The following GNG7 variants were observed in gnomAD, a reference collection of about 807,000 sequenced individuals.
The protein encoded by GNG7 is guanine nucleotide-binding protein G(I)/G(S)/G(O) subunit gamma-7.
A neutral mutation model predicts 4.0 loss-of-function variants in GNG7; 1 was observed. That is an observed-to-expected ratio of 0.25 (90% confidence interval 0.09 to 1.18). The LOEUF (loss-of-function observed/expected upper bound fraction) is 1.18. Ranked by LOEUF, GNG7 falls within the 50% of genes most tolerant of loss-of-function variation. GNG7 has a pLI of 0.50. For synonymous variants in GNG7, 34 were observed against 36.9 expected, an observed-to-expected ratio of 0.92 and a Z score of 0.29; for missense variants, 86 against 91.9, an observed-to-expected ratio of 0.94 and a Z score of 0.26.
intron 2 of GNG7, among the ~76,000 whole-genome samples, chr19:2,603,036 CCTTT>C (rs1331894435): frequency 5.6e-4 from 82 of 146,826 alleles, no homozygotes; most frequent in Middle Eastern, 3.5e-3. Flanking sequence ...TCCTTCCTTC[CCTTT>C]CTTTCTTTCT....
intron 2 of GNG7, among the ~76,000 whole-genome samples, chr19:2,563,854 GTTATTT>G (rs1979820449): frequency 6.6e-6 from 1 of 152,134 alleles, no homozygotes; most frequent in Non-Finnish European, 1.5e-5. Flanking sequence ...GAACTGTTGA[GTTATTT>G]AAACCTTCGC....
intron 3 of GNG7, among the ~76,000 whole-genome samples, chr19:2,551,894 A>G (rs1176099231): frequency 1.3e-5 from 2 of 152,026 alleles, no homozygotes; most frequent in Non-Finnish European, 2.9e-5. Context: ...CATGTTGGCC[A>G]GTCTGGTCTC....
chr19:2,523,012 A>G (rs1978318297), intron 3 of GNG7, among the ~76,000 whole-genome samples: 1 of 151,394 alleles, frequency 6.6e-6, no homozygotes. Context: ...TTACAGGTGC[A>G]TGTGCCACCA....
At chr19:2,665,361 T>C (rs1057381728) in intron 1 of GNG7, among the ~76,000 whole-genome samples, 7 of 132,784 alleles carry the variant, frequency 5.3e-5, no homozygotes, top group African/African-American at 2.1e-4. Flanking sequence ...CAGTGTCCCC[T>C]GGGGGGGGGG....
intron 2 of GNG7, among the ~76,000 whole-genome samples, chr19:2,593,639 G>T (rs1980917268): frequency 6.6e-6 from 1 of 151,882 alleles, no homozygotes; most frequent in African/African-American, 2.4e-5. Context: ...AGCTACTAGG[G>T]GTGCTGAGGC....
chr19:2,697,855 G>A (rs1047153969), intron 1 of GNG7, among the ~76,000 whole-genome samples: 1 of 152,002 alleles, frequency 6.6e-6, no homozygotes, highest in Non-Finnish European at 1.5e-5. Flanking sequence ...GCCTGTAATG[G>A]AAGCTACTCG....
At chr19:2,515,922 A>T (rs1972729190) in intron 4 of GNG7, among the ~76,000 whole-genome samples, 1 of 150,892 alleles carries the variant, frequency 6.6e-6, no homozygotes, top group African/African-American at 2.5e-5. Flanking sequence ...GGTAAACTTT[A>T]TATGTGTCTT....
chr19:2,566,782 G>A (rs1304016252), intron 2 of GNG7, among the ~76,000 whole-genome samples: 1 of 152,100 alleles, frequency 6.6e-6, no homozygotes, highest in African/African-American at 2.4e-5. Flanking sequence ...AGTGGGCATG[G>A]TGGGTGCCAA....
At chr19:2,565,776 G>C (rs929750064) in intron 2 of GNG7, among the ~76,000 whole-genome samples, 3 of 152,170 alleles carry the variant, frequency 2.0e-5, no homozygotes, top group Non-Finnish European at 4.4e-5. Context: ...GTGTGAGCCC[G>C]GCCGAGTCCT....
At chr19:2,535,344 C>T (rs1048069775) in intron 3 of GNG7, among the ~76,000 whole-genome samples, 1 of 136,716 alleles carries the variant, frequency 7.3e-6, no homozygotes, top group Non-Finnish European at 1.6e-5. Flanking sequence ...AAAAAAAATA[C>T]AAAAAACTAG....
At chr19:2,525,971 A>ATTTCTTTT (rs1978380492) in intron 3 of GNG7, among the ~76,000 whole-genome samples, 1 of 75,684 alleles carries the variant, frequency 1.3e-5, no homozygotes, top group African/African-American at 6.0e-5. Flanking sequence ...CTCCACGCCA[A>ATTTCTTTT]TTTTTTTTTT....
chr19:2,564,604 G>T (rs548438144), intron 2 of GNG7, among the ~76,000 whole-genome samples: 2 of 152,194 alleles, frequency 1.3e-5, no homozygotes, highest in South Asian at 4.2e-4. Flanking sequence ...AAGAAGGAGA[G>T]ATTTAGAGAT....
At chr19:2,637,552 C>T (rs934449791) in intron 2 of GNG7, among the ~76,000 whole-genome samples, 4 of 152,186 alleles carry the variant, frequency 2.6e-5, no homozygotes, top group Non-Finnish European at 5.9e-5. Context: ...GAATGACTAG[C>T]AACATTATTA....
At position 2,511,528 on chromosome 19, in the gene GNG7, A is replaced by T. The variant is rs1221438537; in HGVS notation, c.*3494T>A. 2 of 152,534 alleles carry T rather than the reference A, an allele frequency of 1.3e-5. No homozygotes were observed. Among genetic ancestry groups the T allele is most frequent in the African/African-American group, 4.8e-5 (2 of 41,578 alleles). 9.4% of individuals were successfully genotyped at this position (152,534 alleles called of 1,614,324 possible). The stretch of plus-strand genomic sequence containing the variant: ...CTGGCCTCAGGCCGTGGACTTTTTA[A>T]TAAGTGACCCCTTGAGGAAGGGCGT... On this transcript the variant is annotated 3_prime_UTR_variant, in exon 5 of 5. Coordinates refer to ENST00000382159, the MANE Select transcript of GNG7 (RefSeq NM_052847.3). The surrounding 1 kb of genome is among the most constrained non-coding windows in gnomAD (Gnocchi z 6.3).
At chr19:2,585,861 C>T (rs1438194990) in intron 2 of GNG7, among the ~76,000 whole-genome samples, 1 of 152,030 alleles carries the variant, frequency 6.6e-6, no homozygotes, top group Admixed American at 6.6e-5. Context: ...CCACCACGCC[C>T]GGCTATTTTT....
At chr19:2,553,974 A>G in intron 3 of GNG7, among the ~76,000 whole-genome samples, 1 of 65,232 alleles carries the variant, frequency 1.5e-5, no homozygotes, top group East Asian at 3.3e-4. Context: ...ACATATGTAT[A>G]TATTATATGT....
chr19:2,521,612 G>GTTTTTTTTTTTTTTT (rs71178284), intron 3 of GNG7, among the ~76,000 whole-genome samples: 1 of 104,702 alleles, frequency 9.6e-6, no homozygotes, highest in African/African-American at 3.9e-5. Context: ...CCCCCTCCGT[G>GTTTTTTTTTTTTTTT]TTTTTTTTTT....
chr19:2,694,747 G>A (rs1342951590), intron 1 of GNG7, among the ~76,000 whole-genome samples: 2 of 151,432 alleles, frequency 1.3e-5, no homozygotes, highest in Non-Finnish European at 2.9e-5. Context: ...CTTGGAGTCC[G>A]TGGACTCCCC....
At position 2,682,655 on chromosome 19, in the gene GNG7, C is replaced by CAAA. The variant is rs745799326; in HGVS notation, c.-135+19988_-135+19990dup. Among the ~76,000 whole-genome samples, 256 of 63,608 alleles carry CAAA rather than the reference C, an allele frequency of 4.0e-3. 3 individuals are homozygous for CAAA. Among genetic ancestry groups the CAAA allele is most frequent in the African/African-American group, 1.0e-2 (135 of 13,558 alleles). 41.7% of individuals were successfully genotyped at this position (63,608 alleles called of 152,430 possible). A position where few individuals can be genotyped will look rare whatever the true frequency, so the allele number is the denominator to read the frequency against. On this transcript the variant is annotated intron_variant, in intron 1 of 4. Coordinates refer to ENST00000382159, the MANE Select transcript of GNG7 (RefSeq NM_052847.3). The stretch of plus-strand genomic sequence containing the variant: ...TGGGCAACAGGGCGAGACTCCATCT[C>CAAA]AAAAAAAAAAAAAAAAAAAAAAAAA...
Sources: gnomAD v4.1 joint callset for allele counts (sites outside exome capture counted in the v4.1 genomes callset) on GRCh38, gnomAD v4.1.1 for gene constraint, Gnocchi (gnomAD v3.1) non-coding constraint, MANE v1.5 for transcripts, NCBI Gene and HGNC (gene_info 2026-07-23, HGNC 2026-07-21) for gene names.